DSCAM: variants seen among roughly 807,000 people sequenced by gnomAD.
The protein encoded by DSCAM is DS cell adhesion molecule.
Under a neutral mutation model 217.7 loss-of-function variants are expected in DSCAM, and 47 were observed. That is an observed-to-expected ratio of 0.22 (90% CI 0.17 to 0.28). The LOEUF (loss-of-function observed/expected upper bound fraction) is 0.28, where lower values mean the gene tolerates loss of function less well. DSCAM is among the 10% of genes least tolerant of loss of function. The probability of loss-of-function intolerance (pLI) is 1.00; values close to 1 mark genes in which losing one functional copy is unlikely to be tolerated. For missense variants in DSCAM, 2,080 were observed against 2,618.3 expected, an observed-to-expected ratio of 0.79 and a Z score of 4.49; for synonymous variants, 1,056 against 1,015.3, an observed-to-expected ratio of 1.04 and a Z score of -0.76.
Position 40,035,829 on chromosome 21 carries a change from T to G in DSCAM, c.5686+6542A>C, listed in dbSNP as rs538042918. ...TAACAAACTATCTCTCAGACCACAG[T>G]GCAATCAAACTAGAACTCAGGATTA... is the stretch of plus-strand genomic sequence containing the variant. On this transcript the variant is annotated intron_variant, in intron 32 of 32. Coordinates refer to ENST00000400454, the MANE Select transcript of DSCAM (RefSeq NM_001389.5). Among the ~76,000 whole-genome samples the G allele has an allele frequency of 3.4e-3, 481 of 142,998 alleles. 29 individuals are homozygous for G. Among genetic ancestry groups the G allele is most frequent in the African/African-American group, 0.013 (453 of 35,212 alleles). The allele number at this position is 142,998 out of a possible 152,430, so 93.8% of individuals were successfully genotyped here. A position where few individuals can be genotyped will look rare whatever the true frequency, so the allele number is the denominator to read the frequency against.
intron 3 of DSCAM, among the ~76,000 whole-genome samples, chr21:40,665,872 T>C (rs2223003): frequency 1.3e-3 from 199 of 152,324 alleles, no homozygotes; most frequent in African/African-American, 4.6e-3. Flanking sequence ...GGTGTGAAGA[T>C]TGCAGAACCA....
chr21:40,371,894 T>A lies in DSCAM; in HGVS notation c.509-2649A>T, dbSNP rs568882049. On this transcript the variant is annotated intron_variant, in intron 3 of 32. Transcript: ENST00000400454. ...TTGCCAAGGTCTGATTGCAAAAATT[T>A]AAAAAATTGCAACCTCAGGCATAAA... 1.4e-4 allele frequency among the ~76,000 whole-genome samples: 22 copies of A among 152,326 alleles called. No homozygotes were observed. In the South Asian group the frequency reaches 2.7e-3, roughly 19 times the overall value.
chr21:40,758,516 C>CA (rs3071030), intron 1 of DSCAM, among the ~76,000 whole-genome samples: 8,671 of 102,960 alleles, frequency 0.084, 666 homozygotes, highest in Non-Finnish European at 0.093. Flanking sequence ...GACTCTGTCT[C>CA]AAAAAAAAAA....
At chr21:40,728,622 G>A (rs926252224) in intron 1 of DSCAM, among the ~76,000 whole-genome samples, 8 of 151,970 alleles carry the variant, frequency 5.3e-5, no homozygotes, top group East Asian at 1.9e-4. Flanking sequence ...GTTTTATCAT[G>A]TTGGCCAGGC....
intron 10 of DSCAM, among the ~76,000 whole-genome samples, chr21:40,291,147 G>A (rs558424462): frequency 3.9e-5 from 6 of 152,242 alleles, no homozygotes; most frequent in African/African-American, 1.4e-4. Context: ...CACACCCATA[G>A]TATGTCCATC....
In DSCAM at chr21:40,078,704, G is replaced by A. The variant is rs760411710; in HGVS notation, c.4694C>T (p.Thr1565Met). 8.1e-6 allele frequency: 13 copies of A among 1,613,876 alleles called. No homozygotes were observed. Among genetic ancestry groups the A allele is most frequent in the South Asian group, 2.2e-5 (2 of 91,068 alleles). ...CAGCTTACTGCCATCGTAGTTCAGC[G>A]TAGCGAAGTTGGCCTGCTTCTCCGC... ...GCAEKQANFA[T>M]LNYDGSTIPP... is the part of the protein sequence containing the mutation. The change falls in exon 26 of 33, where the codon ACG becomes ATG. Residue 1565 changes from threonine to methionine, a missense_variant. Physicochemically the swap from Thr to Met is moderately conservative, Grantham distance 81. This residue lies in a region of DSCAM where 1,144 missense variants were observed against 1,421.1 expected (regional missense o/e 0.81). Coordinates refer to ENST00000400454, the MANE Select transcript of DSCAM (RefSeq NM_001389.5).
At chr21:40,136,929 C>T (rs2090215872) in intron 18 of DSCAM, among the ~76,000 whole-genome samples, 2 of 152,066 alleles carry the variant, frequency 1.3e-5, no homozygotes, top group South Asian at 4.1e-4. Context: ...AATCCCAGCA[C>T]TTCGGGAGGC....
In DSCAM at chr21:40,257,929, A is replaced by ACCTT. The variant is rs561108328; in HGVS notation, c.2356+18164_2356+18167dup. ...CCTTATTCTTTTCACAGAGCAATGT[A>ACCTT]CCTTCCCCTTGCTGCATTATCAATG... is the stretch of plus-strand genomic sequence containing the variant. On this transcript the variant is annotated intron_variant, in intron 11 of 32. Coordinates refer to ENST00000400454, the MANE Select transcript of DSCAM (RefSeq NM_001389.5). 6.6e-5 allele frequency among the ~76,000 whole-genome samples: 10 copies of ACCTT among 152,260 alleles called. No individual in the cohort carries two copies. The East Asian group carries it at 1.5e-3, about 24-fold the overall frequency.
intron 20 of DSCAM, 29 bp from the exon 21 acceptor site, chr21:40,093,903 A>T (rs747558811): frequency 1.9e-6 from 3 of 1,597,792 alleles, no homozygotes. Context: ...GTGTTCCCAC[A>T]TTCAAAGAAG....
At chr21:40,408,536 A>C (rs1296844412) in intron 3 of DSCAM, among the ~76,000 whole-genome samples, 1 of 152,064 alleles carries the variant, frequency 6.6e-6, no homozygotes, top group Non-Finnish European at 1.5e-5. Flanking sequence ...ACAACCTGAA[A>C]ATTGAATATC....
intron 3 of DSCAM, among the ~76,000 whole-genome samples, chr21:40,403,511 C>T (rs2075255635): frequency 6.6e-6 from 1 of 152,008 alleles, no homozygotes; most frequent in Non-Finnish European, 1.5e-5. Flanking sequence ...ACCTTAAAAT[C>T]AGACTTGTGG....
chr21:40,035,607 G>A (rs1191999141), intron 32 of DSCAM, among the ~76,000 whole-genome samples: 25 of 144,340 alleles, frequency 1.7e-4, no homozygotes, highest in African/African-American at 5.4e-4. Flanking sequence ...ACAGATCAAC[G>A]AGACAGAAAG....
intron 3 of DSCAM, among the ~76,000 whole-genome samples, chr21:40,526,604 G>A (rs1237619185): frequency 6.6e-6 from 1 of 152,074 alleles, no homozygotes; most frequent in Non-Finnish European, 1.5e-5. Flanking sequence ...GATAATGAGA[G>A]CCCTCGAGGT....
intron 1 of DSCAM, among the ~76,000 whole-genome samples, chr21:40,768,001 G>GA (rs1045360365): frequency 4.0e-5 from 6 of 151,086 alleles, no homozygotes; most frequent in Admixed American, 2.0e-4. Flanking sequence ...GGGACAAAAA[G>GA]AAAAAAAATC....
chr21:40,522,883 G>A (rs1283465948), intron 3 of DSCAM, among the ~76,000 whole-genome samples: 2 of 152,044 alleles, frequency 1.3e-5, no homozygotes, highest in African/African-American at 2.4e-5. Context: ...TGTCACATGC[G>A]GTAGGAATCA....
intron 32 of DSCAM, among the ~76,000 whole-genome samples, chr21:40,040,360 TA>T (rs1266013000): frequency 6.6e-6 from 1 of 152,170 alleles, no homozygotes; most frequent in Non-Finnish European, 1.5e-5. Context: ...AATCCAACAA[TA>T]TGAGCAGCGT....
Position 40,245,162 on chromosome 21 carries a change from T to C in DSCAM, c.2356+30935A>G, listed in dbSNP as rs1266205998. On this transcript the variant is annotated intron_variant, in intron 11 of 32. Coordinates refer to ENST00000400454, the MANE Select transcript of DSCAM (RefSeq NM_001389.5). The stretch of plus-strand genomic sequence containing the variant: ...ACTTTCAGCACAATTTATTGGCACT[T>C]GTGTCTTACGGCTGCTGCCGCCTGT... 2.6e-5 allele frequency among the ~76,000 whole-genome samples: 4 copies of C among 152,196 alleles called. No homozygotes were observed. In the South Asian group the frequency reaches 8.3e-4, roughly 32 times the overall value.
intron 6 of DSCAM, among the ~76,000 whole-genome samples, chr21:40,345,680 C>A (rs988075355): frequency 6.6e-6 from 1 of 152,128 alleles, no homozygotes; most frequent in African/African-American, 2.4e-5. Context: ...TTTAATCCAT[C>A]GCTATTTCAG....
chr21:40,520,980 G>C (rs1034907016), intron 3 of DSCAM, among the ~76,000 whole-genome samples: 2 of 152,192 alleles, frequency 1.3e-5, no homozygotes, highest in South Asian at 2.1e-4. Flanking sequence ...ATTATGTATT[G>C]CTAAAAATTT....
Sources: allele counts gnomAD v4.1 joint callset (sites outside exome capture counted in the v4.1 genomes callset), GRCh38; gene constraint gnomAD v4.1.1; regional missense constraint gnomAD v4.1.1; transcripts MANE v1.5; gene names NCBI Gene and HGNC (gene_info 2026-07-23, HGNC 2026-07-21).